Variants in MARCHF1 observed in about 807,000 individuals in gnomAD.
MARCHF1 encodes the protein membrane associated ring-CH-type finger 1.
A neutral mutation model predicts 54.2 loss-of-function variants in MARCHF1; 40 were observed. The ratio of observed to expected loss-of-function variants is 0.74; its 90% CI spans 0.57 to 0.96. The LOEUF (loss-of-function observed/expected upper bound fraction) is 0.96. MARCHF1 is among the 40% of genes least tolerant of loss of function. MARCHF1 has a pLI of 0.00. For synonymous variants in MARCHF1, 236 were observed against 236.3 expected (o/e 1.00, Z 0.01); for missense variants, 586 against 656.5 (o/e 0.89, Z 1.17).
chr4:163,852,482 G>T (rs1280856162), intron 4 of MARCHF1, among the ~76,000 whole-genome samples: 1 of 152,140 alleles, frequency 6.6e-6, no homozygotes, highest in African/African-American at 2.4e-5. Context: ...GTAATACAAT[G>T]TTTTAGTAGT....
intron 1 of MARCHF1, among the ~76,000 whole-genome samples, chr4:164,225,162 A>G (rs1732215557): frequency 6.6e-6 from 1 of 152,066 alleles, no homozygotes. Flanking sequence ...CCCTGCACAT[A>G]CCAAATTACA....
chr4:163,986,500 T>C (rs1394724194), intron 3 of MARCHF1, among the ~76,000 whole-genome samples: 2 of 151,660 alleles, frequency 1.3e-5, no homozygotes, highest in South Asian at 2.1e-4. Context: ...CTCCTGACCT[T>C]GTGATCCGCC....
intron 3 of MARCHF1, among the ~76,000 whole-genome samples, chr4:163,911,726 T>C (rs2111336064): frequency 6.6e-6 from 1 of 152,294 alleles, no homozygotes; most frequent in African/African-American, 2.4e-5. Context: ...ATGGGTGTCA[T>C]ATTTCTTCCT....
At chr4:163,811,104 A>G (rs1240440085) in intron 4 of MARCHF1, among the ~76,000 whole-genome samples, 1 of 152,098 alleles carries the variant, frequency 6.6e-6, no homozygotes, top group African/African-American at 2.4e-5. Context: ...TAAGACCTTG[A>G]GCTTTTCATC....
In MARCHF1 at chr4:164,335,740, A is replaced by T. The variant is rs557936057; in HGVS notation, c.-323+48130T>A. The stretch of plus-strand genomic sequence containing the variant: ...GCCCAGATGATCATGAGCATTTTTT[A>T]GCAGTAAAGTAGTTTTAAATTAAAA... On this transcript the variant is annotated intron_variant, in intron 1 of 9. Coordinates refer to ENST00000514618, the MANE Select transcript of MARCHF1 (RefSeq NM_001394959.1). 3.3e-5 allele frequency among the ~76,000 whole-genome samples: 5 copies of T among 152,314 alleles called. No individual in the cohort carries two copies. In the East Asian group the frequency reaches 9.6e-4, roughly 29 times the overall value.
At chr4:164,293,022 G>A (rs1734321926) in intron 1 of MARCHF1, among the ~76,000 whole-genome samples, 1 of 151,900 alleles carries the variant, frequency 6.6e-6, no homozygotes, top group African/African-American at 2.4e-5. Context: ...AAGTCACGTT[G>A]GTTCATGAAG....
chr4:164,260,263 G>A (rs550777058), intron 1 of MARCHF1, among the ~76,000 whole-genome samples: 1 of 151,960 alleles, frequency 6.6e-6, no homozygotes, highest in African/African-American at 2.4e-5. Context: ...CAAAACCCCA[G>A]GTATTTTTAA....
chr4:164,144,385 AC>A (rs1354173828), intron 1 of MARCHF1, among the ~76,000 whole-genome samples: 3 of 151,004 alleles, frequency 2.0e-5, no homozygotes, highest in Non-Finnish European at 4.4e-5. Flanking sequence ...TCAGCACCAC[AC>A]CACACCTATT....
chr4:164,327,152 T>C (rs553565797), intron 1 of MARCHF1, among the ~76,000 whole-genome samples: 1 of 152,286 alleles, frequency 6.6e-6, no homozygotes, highest in South Asian at 2.1e-4. Context: ...TAATCAGAAA[T>C]ATAGTCTTAA....
chr4:163,693,347 G>C (rs1335914654), intron 5 of MARCHF1, among the ~76,000 whole-genome samples: 1 of 151,360 alleles, frequency 6.6e-6, no homozygotes, highest in Non-Finnish European at 1.5e-5. Flanking sequence ...CTGTTTGGTA[G>C]AACTCTTTGA....
chr4:164,352,032 G>C (rs1469651398), intron 1 of MARCHF1, among the ~76,000 whole-genome samples: 30 of 132,842 alleles, frequency 2.3e-4, no homozygotes, highest in African/African-American at 7.5e-4. Context: ...TGAAATGAAT[G>C]AAATGAAGCG....
At chr4:164,135,948 C>G (rs1281282999) in intron 1 of MARCHF1, among the ~76,000 whole-genome samples, 1 of 152,098 alleles carries the variant, frequency 6.6e-6, no homozygotes, top group African/African-American at 2.4e-5. Context: ...ATTTTTTATA[C>G]TTAAGCCCTA....
chr4:164,004,337 A>G (rs1753244749), intron 2 of MARCHF1, among the ~76,000 whole-genome samples: 1 of 152,110 alleles, frequency 6.6e-6, no homozygotes, highest in African/African-American at 2.4e-5. Context: ...AGGAAGATAT[A>G]CAAACATAAA....
chr4:164,182,906 A>C (rs754117726), intron 1 of MARCHF1, among the ~76,000 whole-genome samples: 1 of 152,070 alleles, frequency 6.6e-6, no homozygotes, highest in Non-Finnish European at 1.5e-5. Flanking sequence ...AAGAAAAACC[A>C]TTCATGTCAA....
intron 3 of MARCHF1, among the ~76,000 whole-genome samples, chr4:163,969,680 A>G (rs1049776098): frequency 7.9e-5 from 12 of 152,338 alleles, no homozygotes; most frequent in African/African-American, 2.9e-4. Flanking sequence ...AATATATGCT[A>G]CACGCAACAT....
At chr4:164,282,350 C>T (rs1279370715) in intron 1 of MARCHF1, among the ~76,000 whole-genome samples, 1 of 150,910 alleles carries the variant, frequency 6.6e-6, no homozygotes, top group African/African-American at 2.4e-5. Flanking sequence ...TCAACTTTAT[C>T]AACCTACACT....
At chr4:163,886,268 G>A (rs1008537583) in intron 3 of MARCHF1, among the ~76,000 whole-genome samples, 1 of 150,108 alleles carries the variant, frequency 6.7e-6, no homozygotes, top group Admixed American at 6.7e-5. Context: ...TATATAGGTA[G>A]ATATAGATAG....
chr4:164,345,843 C>A (rs935451392), intron 1 of MARCHF1, among the ~76,000 whole-genome samples: 1 of 151,768 alleles, frequency 6.6e-6, no homozygotes, highest in East Asian at 1.9e-4. Flanking sequence ...TTAAGCACTC[C>A]TGAATTCCAT....
At chr4:163,709,330 C>T (rs1745039423) in intron 4 of MARCHF1, among the ~76,000 whole-genome samples, 1 of 152,124 alleles carries the variant, frequency 6.6e-6, no homozygotes, top group Non-Finnish European at 1.5e-5. Flanking sequence ...AATCCCAGCA[C>T]TTTGGGAGGC....
Sources: allele counts gnomAD v4.1 joint callset (sites outside exome capture counted in the v4.1 genomes callset), GRCh38; gene constraint gnomAD v4.1.1; transcripts MANE v1.5; gene names NCBI Gene and HGNC (gene_info 2026-07-23, HGNC 2026-07-21).